The following UNC13C variants were observed in gnomAD, a reference collection of about 807,000 sequenced individuals.
The protein encoded by UNC13C is unc-13 homolog C, also known as protein unc-13 homolog C.
A neutral mutation model predicts 245.4 loss-of-function variants in UNC13C; 174 were observed. The ratio of observed to expected loss-of-function variants is 0.71; its 90% CI spans 0.63 to 0.80. UNC13C has a LOEUF of 0.80. Among genes scored for constraint, UNC13C ranks in the 30% least tolerant of loss-of-function variants. The probability of loss-of-function intolerance (pLI) is 0.00; values close to 1 mark genes in which losing one functional copy is unlikely to be tolerated. For missense variants in UNC13C, 2,829 were observed against 2,602.9 expected (o/e 1.09, Z -1.89); for synonymous variants, 992 against 895.1 (o/e 1.11, Z -1.93).
chr15:54,415,871 T>C (rs78293952), intron 19 of UNC13C, among the ~76,000 whole-genome samples: 6,469 of 152,168 alleles, frequency 0.043, 247 homozygotes, highest in Admixed American at 0.12. Context: ...GAGAAGCACC[T>C]ACAGCAGACA....
upstream of UNC13C, chr15:53,976,655 T>C (rs1893718090): frequency 6.6e-6 from 1 of 151,858 alleles, no homozygotes; most frequent in Non-Finnish European, 1.5e-5. Flanking sequence ...TACATACATG[T>C]TTTATAGACC....
chr15:53,880,947 C>A, the UNC13C span, among the ~76,000 whole-genome samples: 11 of 151,966 alleles, frequency 7.2e-5, no homozygotes, highest in African/African-American at 2.4e-4. Flanking sequence ...AGAAGCATAG[C>A]AAGAGAGAAA....
At chr15:54,271,196 C>T (rs1406002287) in intron 10 of UNC13C, among the ~76,000 whole-genome samples, 1 of 152,096 alleles carries the variant, frequency 6.6e-6, no homozygotes. Context: ...CAATTAAGCC[C>T]TTACAGAAAT....
intron 2 of UNC13C, among the ~76,000 whole-genome samples, chr15:54,024,640 C>T (rs1896029591): frequency 6.6e-6 from 1 of 152,096 alleles, no homozygotes; most frequent in Non-Finnish European, 1.5e-5. Flanking sequence ...CTATGAATGC[C>T]GGGCGCGGTG....
chr15:54,125,407 G>GAAA (rs1210207817), intron 2 of UNC13C, among the ~76,000 whole-genome samples: 7 of 152,130 alleles, frequency 4.6e-5, no homozygotes, highest in African/African-American at 1.7e-4. Context: ...AGGTTGCGGT[G>GAAA]AACTGAGACT....
At chr15:54,610,172 C>T (rs974010316) in intron 30 of UNC13C, among the ~76,000 whole-genome samples, 1 of 152,102 alleles carries the variant, frequency 6.6e-6, no homozygotes, top group Non-Finnish European at 1.5e-5. Flanking sequence ...AGTGTGCATT[C>T]ACAGTATGTC....
At chr15:54,142,346 C>A (rs2032062121) in intron 2 of UNC13C, among the ~76,000 whole-genome samples, 1 of 152,174 alleles carries the variant, frequency 6.6e-6, no homozygotes, top group Admixed American at 6.5e-5. Flanking sequence ...ATGTAAAGAG[C>A]ACCAGATGGG....
intron 10 of UNC13C, among the ~76,000 whole-genome samples, chr15:54,267,656 A>G (rs1293387267): frequency 6.6e-6 from 1 of 151,802 alleles, no homozygotes; most frequent in Non-Finnish European, 1.5e-5. Flanking sequence ...TTCTCTGTGT[A>G]TAACATATCT....
chr15:54,291,236 A>T (rs1187967996), intron 10 of UNC13C, among the ~76,000 whole-genome samples: 2 of 152,002 alleles, frequency 1.3e-5, no homozygotes, highest in Non-Finnish European at 2.9e-5. Flanking sequence ...AATGGGAGAC[A>T]GCTGTGCTCT....
At chr15:54,171,663 A>C (rs1057379631) in intron 4 of UNC13C, among the ~76,000 whole-genome samples, 1 of 152,116 alleles carries the variant, frequency 6.6e-6, no homozygotes, top group African/African-American at 2.4e-5. Flanking sequence ...TGGGATTGTA[A>C]ATTAGTACAA....
chr15:53,883,476 G>T, the UNC13C span, among the ~76,000 whole-genome samples: 2 of 152,174 alleles, frequency 1.3e-5, no homozygotes, highest in Non-Finnish European at 2.9e-5. Context: ...TGGGGTTCAA[G>T]AGTTACTTTA....
At chr15:54,253,092 T>C (rs117553671) in intron 8 of UNC13C, among the ~76,000 whole-genome samples, 52 of 152,336 alleles carry the variant, frequency 3.4e-4, no homozygotes, top group Non-Finnish European at 6.0e-4. Context: ...TTACAGTCTA[T>C]CAACACACAC....
chr15:54,460,693 C>G (rs1032646862), intron 19 of UNC13C, among the ~76,000 whole-genome samples: 4 of 152,232 alleles, frequency 2.6e-5, no homozygotes, highest in African/African-American at 9.6e-5. Context: ...AGTTGTCTTG[C>G]AGCATTTGCA....
chr15:53,884,294 C>G, the UNC13C span, among the ~76,000 whole-genome samples: 1 of 152,146 alleles, frequency 6.6e-6, no homozygotes, highest in East Asian at 1.9e-4. Flanking sequence ...GCAATTTTCT[C>G]AGTAATTTCC....
chr15:54,455,164 CCT>C (rs1203605020), intron 19 of UNC13C, among the ~76,000 whole-genome samples: 271 of 17,446 alleles, frequency 0.016, 4 homozygotes, highest in Non-Finnish European at 0.021. Context: ...GAGTCATATT[CCT>C]CTCTCTCTCT....
At chr15:54,380,348 T>G (rs889384589) in intron 17 of UNC13C, among the ~76,000 whole-genome samples, 1 of 152,200 alleles carries the variant, frequency 6.6e-6, no homozygotes, top group Admixed American at 6.5e-5. Context: ...TTTATACATA[T>G]GTATGGTTTT....
chr15:54,237,562 A>C (rs745694875), intron 6 of UNC13C, 57 bp from the exon 7 acceptor site: 1 of 1,275,862 alleles, frequency 7.8e-7, no homozygotes, highest in South Asian at 1.3e-5. Flanking sequence ...TCTGCTGAGC[A>C]GTATATGCAC....
chr15:54,386,248 A>G (rs2039834665), intron 17 of UNC13C, among the ~76,000 whole-genome samples: 1 of 152,224 alleles, frequency 6.6e-6, no homozygotes, highest in Non-Finnish European at 1.5e-5. Flanking sequence ...AATGATGATA[A>G]TGGTATTTGA....
At chr15:54,272,862 C>T (rs1157985657) in intron 10 of UNC13C, among the ~76,000 whole-genome samples, 1 of 152,066 alleles carries the variant, frequency 6.6e-6, no homozygotes, top group East Asian at 1.9e-4. Context: ...AAAATATAAA[C>T]TTAGGGTCAC....
Sources: allele counts gnomAD v4.1 joint callset (sites outside exome capture counted in the v4.1 genomes callset), GRCh38; gene constraint gnomAD v4.1.1; transcripts MANE v1.5; gene names NCBI Gene and HGNC (gene_info 2026-07-23, HGNC 2026-07-21).